CNTN5: variants seen among roughly 807,000 people sequenced by gnomAD.
The protein encoded by CNTN5 is contactin 5, also known as contactin-5.
CNTN5 carries 77 observed loss-of-function variants against 129.1 expected under a neutral mutation model. The observed-to-expected ratio is 0.60, with a 90% confidence interval of 0.50 to 0.72. The LOEUF is 0.72. Among genes scored for constraint, CNTN5 ranks in the 30% least tolerant of loss-of-function variants. CNTN5 has a pLI of 0.00. For synonymous variants in CNTN5, 509 were observed against 465.6 expected, an observed-to-expected ratio of 1.09 and a Z score of -1.20; for missense variants, 1,478 against 1,328.8, an observed-to-expected ratio of 1.11 and a Z score of -1.75.
At chr11:99,771,568 A>G (rs1265496800) in intron 3 of CNTN5, among the ~76,000 whole-genome samples, 1 of 151,976 alleles carries the variant, frequency 6.6e-6, no homozygotes, top group African/African-American at 2.4e-5. Context: ...AATGCTGCAT[A>G]ATCTCACTAT....
chr11:100,271,663 A>C (rs564591691), intron 18 of CNTN5, among the ~76,000 whole-genome samples: 109 of 152,296 alleles, frequency 7.2e-4, no homozygotes, highest in African/African-American at 1.9e-3. Flanking sequence ...CCTTCACCAC[A>C]AAACCCATAT....
chr11:99,537,898 A>C lies in CNTN5; in HGVS notation c.-70-18247A>C, dbSNP rs61911102. ...AATGCTTTATCATTAATGGCCTAGA[A>C]GACTTCATGTTATGGTGTCTTGGGT... On this transcript the variant is annotated intron_variant, in intron 2 of 24. Coordinates refer to ENST00000524871, the MANE Select transcript of CNTN5 (RefSeq NM_014361.4). Among the ~76,000 whole-genome samples, 906 of 152,312 alleles carry C rather than the reference A, an allele frequency of 5.9e-3. 10 individuals carry two copies. The highest frequency in any genetic ancestry group is 8.5e-3 in the Non-Finnish European group (576 of 68,018).
chr11:99,995,813 G>A (rs915765283), intron 8 of CNTN5, among the ~76,000 whole-genome samples: 10 of 152,102 alleles, frequency 6.6e-5, no homozygotes, highest in Admixed American at 6.6e-4. Context: ...AAGGCTATCT[G>A]ATGGCACTAG....
intron 2 of CNTN5, among the ~76,000 whole-genome samples, chr11:99,526,237 G>A (rs542804273): frequency 6.6e-6 from 1 of 152,298 alleles, no homozygotes; most frequent in East Asian, 1.9e-4. Flanking sequence ...AAAAGAAGTA[G>A]TGTGTTTTTT....
chr11:99,107,572 CATT>C (rs1178799389), intron 1 of CNTN5, among the ~76,000 whole-genome samples: 1 of 151,730 alleles, frequency 6.6e-6, no homozygotes, highest in African/African-American at 2.4e-5. Flanking sequence ...AACTAACAAA[CATT>C]AATATTTGCA....
chr11:99,793,547 G>T (rs771971059), intron 3 of CNTN5, among the ~76,000 whole-genome samples: 1 of 152,010 alleles, frequency 6.6e-6, no homozygotes, highest in East Asian at 1.9e-4. Flanking sequence ...AATTTTTCAG[G>T]GATGTGTTTC....
At chr11:100,295,977 CATG>C (rs1951092106) in intron 18 of CNTN5, among the ~76,000 whole-genome samples, 1 of 151,362 alleles carries the variant, frequency 6.6e-6, no homozygotes, top group Non-Finnish European at 1.5e-5. Context: ...GCAGTAATGG[CATG>C]ATATCACTAA....
At chr11:99,031,101 G>C (rs532085009) in intron 1 of CNTN5, among the ~76,000 whole-genome samples, 1 of 151,806 alleles carries the variant, frequency 6.6e-6, no homozygotes, top group East Asian at 1.9e-4. Flanking sequence ...CTGGCCTAAT[G>C]CTAACTCTTT....
Position 99,814,819 on chromosome 11 carries a change from C to T in CNTN5, c.56-4725C>T, listed in dbSNP as rs1241931082. Among the ~76,000 whole-genome samples, 3 of 152,010 alleles carry T rather than the reference C, an allele frequency of 2.0e-5. No homozygotes were observed. In the East Asian group the frequency reaches 5.8e-4, roughly 29 times the overall value. The stretch of plus-strand genomic sequence containing the variant: ...TCCACCCTGCTATAGAGAACGTCTC[C>T]AAACTGAGTGATTATAAGGGAGAGA... On this transcript the variant is annotated intron_variant, in intron 3 of 24. Transcript: ENST00000524871.
chr11:100,106,283 G>A (rs879764718), intron 13 of CNTN5, among the ~76,000 whole-genome samples: 12 of 152,126 alleles, frequency 7.9e-5, no homozygotes, highest in Non-Finnish European at 8.8e-5. Flanking sequence ...CCACTAAATG[G>A]CACAGCAAGT....
intron 1 of CNTN5, among the ~76,000 whole-genome samples, chr11:99,241,257 G>T (rs941297471): frequency 6.7e-6 from 1 of 149,858 alleles, no homozygotes; most frequent in Non-Finnish European, 1.5e-5. Flanking sequence ...GGCAATATTT[G>T]CAGAGTTGCT....
At chr11:99,931,814 G>A (rs1457620873) in intron 7 of CNTN5, among the ~76,000 whole-genome samples, 1 of 152,204 alleles carries the variant, frequency 6.6e-6, no homozygotes, top group Non-Finnish European at 1.5e-5. Flanking sequence ...GGTAACTTAT[G>A]TATGGGTTGA....
intron 6 of CNTN5, among the ~76,000 whole-genome samples, chr11:99,867,417 A>G (rs1364348399): frequency 6.6e-6 from 1 of 152,196 alleles, no homozygotes; most frequent in Non-Finnish European, 1.5e-5. Flanking sequence ...CAAATGTATT[A>G]TCTTAAAATT....
intron 1 of CNTN5, among the ~76,000 whole-genome samples, chr11:99,262,400 A>T (rs1014827951): frequency 6.6e-6 from 1 of 152,098 alleles, no homozygotes; most frequent in Non-Finnish European, 1.5e-5. Context: ...TAGTAATCAT[A>T]ATGATAGCTA....
At chr11:99,927,969 A>C (rs984685226) in intron 7 of CNTN5, among the ~76,000 whole-genome samples, 3 of 152,170 alleles carry the variant, frequency 2.0e-5, no homozygotes, top group African/African-American at 7.2e-5. Context: ...TACTTCCTAC[A>C]TACTATGGGG....
chr11:99,162,833 G>A (rs1860681498), intron 1 of CNTN5, among the ~76,000 whole-genome samples: 1 of 152,172 alleles, frequency 6.6e-6, no homozygotes, highest in Non-Finnish European at 1.5e-5. Flanking sequence ...AATGATCAGT[G>A]AATGTGAAGA....
intron 1 of CNTN5, among the ~76,000 whole-genome samples, chr11:99,107,120 A>T (rs978718753): frequency 2.0e-5 from 3 of 152,154 alleles, no homozygotes; most frequent in Admixed American, 2.0e-4. Flanking sequence ...TATAACTCAT[A>T]AAACTATATA....
At chr11:100,162,128 C>T (rs1947476578) in intron 13 of CNTN5, among the ~76,000 whole-genome samples, 1 of 151,838 alleles carries the variant, frequency 6.6e-6, no homozygotes, top group Non-Finnish European at 1.5e-5. Flanking sequence ...GCCTCACCTA[C>T]TCCCTGCTCT....
chr11:99,931,503 T>A (rs1186934373), intron 7 of CNTN5, among the ~76,000 whole-genome samples: 1 of 152,224 alleles, frequency 6.6e-6, no homozygotes, highest in African/African-American at 2.4e-5. Context: ...TTTGATTGTT[T>A]AATTGGATTT....
Sources: allele counts gnomAD v4.1 joint callset (sites outside exome capture counted in the v4.1 genomes callset), GRCh38; gene constraint gnomAD v4.1.1; transcripts MANE v1.5; gene names NCBI Gene and HGNC (gene_info 2026-07-23, HGNC 2026-07-21).